PTGIS: variants seen among roughly 807,000 people sequenced by gnomAD.
PTGIS encodes the protein prostacyclin synthase.
Under a neutral mutation model 50.3 loss-of-function variants are expected in PTGIS, and 45 were observed. The observed-to-expected ratio is 0.90, with a 90% CI of 0.70 to 1.15. The LOEUF (loss-of-function observed/expected upper bound fraction) is 1.15. Ranked by LOEUF, PTGIS falls within the 50% of genes most tolerant of loss-of-function variation. PTGIS has a pLI of 0.00. For synonymous variants in PTGIS, 260 were observed against 267.7 expected, an observed-to-expected ratio of 0.97 and a Z score of 0.28; for missense variants, 668 against 661.3, an observed-to-expected ratio of 1.01 and a Z score of -0.11.
At chr20:49,513,324 C>T (rs1354936980) in intron 7 of PTGIS, 63 bp from the exon 8 acceptor site, 3 of 1,545,354 alleles carry the variant, frequency 1.9e-6, no homozygotes, top group Non-Finnish European at 1.8e-6. Flanking sequence ...ATATGCCAAC[C>T]CCAGCTCTTA....
At chr20:49,525,186 A>C (rs1267802106) in intron 5 of PTGIS, among the ~76,000 whole-genome samples, 1 of 152,236 alleles carries the variant, frequency 6.6e-6, no homozygotes, top group Non-Finnish European at 1.5e-5. Flanking sequence ...ACGGGCCAGA[A>C]AGGGGCCATG....
chr20:49,544,181 TTTGGG>T (rs1982298409), intron 4 of PTGIS, 119 bp downstream of exon 4: 1 of 1,322,922 alleles, frequency 7.6e-7, no homozygotes, highest in South Asian at 1.4e-5. Flanking sequence ...CAGTCTTTGC[TTTGGG>T]TGTCTCAAAT....
intron 1 of PTGIS, among the ~76,000 whole-genome samples, chr20:49,550,722 G>C (rs184051985): frequency 2.6e-4 from 39 of 152,294 alleles, no homozygotes; most frequent in African/African-American, 9.1e-4. Flanking sequence ...AGATCTAAGA[G>C]AGCTACAATT....
chr20:49,511,329 A>T (rs1981314962), intron 8 of PTGIS, 150 bp from the exon 9 acceptor site: 1 of 907,778 alleles, frequency 1.1e-6, no homozygotes, highest in African/African-American at 1.7e-5. Flanking sequence ...TTGGTTAAAA[A>T]ATTATGGCAA....
At chr20:49,535,841 T>C (rs1252178192) in intron 5 of PTGIS, among the ~76,000 whole-genome samples, 1 of 152,218 alleles carries the variant, frequency 6.6e-6, no homozygotes, top group African/African-American at 2.4e-5. Flanking sequence ...TTAATGTTAA[T>C]TTCATATCCT....
Position 49,524,060 on chromosome 20 carries a change from G to A in PTGIS, c.853C>T (p.Gln285Ter). ...RALVLQLWAT[Q>*]GNMGPAAFWL... The stretch of plus-strand genomic sequence containing the variant: ...CCCACTTGCACATTCACACCCACCT[G>A]TGTGGCCCACAGCTGCAGCACCAGG... The change falls in exon 6 of 10, where the codon CAG becomes TAG. Residue 285 changes from glutamine to a stop codon, truncating the protein, a stop_gained and splice_region_variant. Coordinates refer to ENST00000244043, the MANE Select transcript of PTGIS (RefSeq NM_000961.4). LOFTEE classifies it high-confidence loss of function. 1 of 1,614,208 alleles carries A rather than the reference G, an allele frequency of 6.2e-7. No homozygotes were observed. The highest frequency in any genetic ancestry group is 8.5e-7 in the Non-Finnish European group (1 of 1,180,044).
Position 49,507,731 on chromosome 20 carries a change from C to A in PTGIS, c.*189G>T. The A allele has an allele frequency of 1.3e-6, 1 of 770,546 alleles. No individual in the cohort carries two copies. Among genetic ancestry groups the A allele is most frequent in the Non-Finnish European group, 2.1e-6 (1 of 475,150 alleles). 47.7% of individuals were successfully genotyped at this position (770,546 alleles called of 1,614,324 possible). ...TGCAGTGGATAATCCATAGAGCTTT[C>A]AATGTCTTTTCTTTGTTCACCCTCT... On this transcript the variant is annotated 3_prime_UTR_variant, in exon 10 of 10. Transcript: ENST00000244043.
chr20:49,508,191 T>A, intron 9 of PTGIS, 127 bp from the exon 10 acceptor site: 1 of 1,144,396 alleles, frequency 8.7e-7, no homozygotes, highest in South Asian at 1.3e-5. Flanking sequence ...AGGAGAGGAG[T>A]GAGGAAGTAG....
rs150882032 is a variant in PTGIS at position 49,562,871 on chromosome 20, A to T, written c.74+5172T>A. Reference sequence around the variant, plus strand: ...GCCTCCATGCCCCCTGACGTATCGCATCTTCACTAGATGGAAGAGCCATGA... The same window carrying T: ...GCCTCCATGCCCCCTGACGTATCGCTTCTTCACTAGATGGAAGAGCCATGA... On this transcript the variant is annotated intron_variant, in intron 1 of 9. Coordinates refer to ENST00000244043, the MANE Select transcript of PTGIS (RefSeq NM_000961.4). 3.9e-3 allele frequency among the ~76,000 whole-genome samples: 587 copies of T among 152,248 alleles called. 1 individual carries two copies. The highest frequency in any genetic ancestry group is 0.014 in the African/African-American group (574 of 41,548).
At chr20:49,513,868 T>G (rs1442604264) in intron 7 of PTGIS, among the ~76,000 whole-genome samples, 1 of 152,158 alleles carries the variant, frequency 6.6e-6, no homozygotes, top group African/African-American at 2.4e-5. Context: ...AGCCTGAGAC[T>G]GGAGCCAACC....
intron 5 of PTGIS, among the ~76,000 whole-genome samples, chr20:49,525,065 G>A (rs1306561305): frequency 6.6e-6 from 1 of 152,196 alleles, no homozygotes; most frequent in African/African-American, 2.4e-5. Flanking sequence ...CTGTGAGCAG[G>A]CTCAGCACAG....
intron 1 of PTGIS, among the ~76,000 whole-genome samples, chr20:49,556,879 T>C (rs1041416891): frequency 2.0e-5 from 3 of 152,252 alleles, no homozygotes; most frequent in South Asian, 2.1e-4. Context: ...CTTTTTTTTT[T>C]CCTCCCCTCA....
chr20:49,538,266 A>G (rs1982132784), intron 5 of PTGIS, among the ~76,000 whole-genome samples: 1 of 124,584 alleles, frequency 8.0e-6, no homozygotes, highest in Non-Finnish European at 1.8e-5. Flanking sequence ...GAAAAAAAAA[A>G]AAAAAAAAAA....
chr20:49,519,205 CCA>C (rs1040394981), intron 6 of PTGIS, among the ~76,000 whole-genome samples: 3 of 151,542 alleles, frequency 2.0e-5, no homozygotes, highest in Non-Finnish European at 4.4e-5. Flanking sequence ...AGGTCTCGGC[CCA>C]CAGAGTCCTC....
intron 1 of PTGIS, among the ~76,000 whole-genome samples, chr20:49,556,245 T>C (rs1184431623): frequency 6.6e-6 from 1 of 152,238 alleles, no homozygotes; most frequent in Non-Finnish European, 1.5e-5. Flanking sequence ...AGTATCTTTT[T>C]TCTTTTATAA....
intron 1 of PTGIS, among the ~76,000 whole-genome samples, chr20:49,565,816 G>A (rs1347791949): frequency 6.6e-6 from 1 of 152,114 alleles, no homozygotes; most frequent in Admixed American, 6.5e-5. Flanking sequence ...AGTGAGATTG[G>A]GGATCTAAAC....
At chr20:49,529,001 G>C (rs1400523661) in intron 5 of PTGIS, among the ~76,000 whole-genome samples, 2 of 152,080 alleles carry the variant, frequency 1.3e-5, no homozygotes, top group African/African-American at 4.8e-5. Flanking sequence ...AGGTATAATT[G>C]ACAAAGGAAA....
At chr20:49,521,402 G>A (rs1981648245) in intron 6 of PTGIS, among the ~76,000 whole-genome samples, 3 of 152,128 alleles carry the variant, frequency 2.0e-5, no homozygotes, top group South Asian at 2.1e-4. Flanking sequence ...AATTCTGGAC[G>A]CTGTCAACGA....
chr20:49,513,586 T>C (rs1297484912), intron 7 of PTGIS, among the ~76,000 whole-genome samples: 1 of 152,036 alleles, frequency 6.6e-6, no homozygotes, highest in Non-Finnish European at 1.5e-5. Flanking sequence ...ATATTTCTCT[T>C]CTGGAAACGG....
Sources: allele counts gnomAD v4.1 joint callset (sites outside exome capture counted in the v4.1 genomes callset), GRCh38; gene constraint gnomAD v4.1.1; transcripts MANE v1.5; gene names NCBI Gene and HGNC (gene_info 2026-07-23, HGNC 2026-07-21).